Variants in DGLUCY observed in about 807,000 individuals in gnomAD.
The protein encoded by DGLUCY is D-glutamate cyclase.
A neutral mutation model predicts 58.5 loss-of-function variants in DGLUCY; 58 were observed. The observed-to-expected ratio is 0.99, with a 90% confidence interval of 0.80 to 1.23. The LOEUF (loss-of-function observed/expected upper bound fraction) is 1.23. Ranked by LOEUF, DGLUCY falls within the 50% of genes most tolerant of loss-of-function variation. The pLI, the probability that DGLUCY is intolerant of heterozygous loss-of-function variation, is 0.00. For synonymous variants in DGLUCY, 325 were observed against 314.1 expected, an observed-to-expected ratio of 1.03 and a Z score of -0.37; for missense variants, 779 against 784.7, an observed-to-expected ratio of 0.99 and a Z score of 0.09.
intron 1 of DGLUCY, among the ~76,000 whole-genome samples, chr14:91,097,915 G>T (rs1476991169): frequency 6.6e-6 from 1 of 152,100 alleles, no homozygotes; most frequent in African/African-American, 2.4e-5. Context: ...GTATCCAGTG[G>T]TGTTTTAGTA....
chr14:91,099,881 G>A (rs1353873470), intron 1 of DGLUCY, among the ~76,000 whole-genome samples: 1 of 151,846 alleles, frequency 6.6e-6, no homozygotes, highest in Non-Finnish European at 1.5e-5. Flanking sequence ...CCTTTAACTA[G>A]AAAATTAGAT....
At chr14:91,141,553 ATTT>A (rs71120118) in intron 1 of DGLUCY, among the ~76,000 whole-genome samples, 2 of 138,098 alleles carry the variant, frequency 1.4e-5, no homozygotes. Context: ...AGAGAGGTTA[ATTT>A]TTTTTTTTTT....
At chr14:91,188,791 T>C (rs1434272283) in intron 8 of DGLUCY, 119 bp from the exon 9 acceptor site, 1 of 1,182,226 alleles carries the variant, frequency 8.5e-7, no homozygotes, top group Non-Finnish European at 1.2e-6. Flanking sequence ...ATCACGCCAC[T>C]GCCTTCCAGC....
At chr14:91,106,989 T>C (rs1445276528), upstream of DGLUCY, among the ~76,000 whole-genome samples, 1 of 152,200 alleles carries the variant, frequency 6.6e-6, no homozygotes, top group Non-Finnish European at 1.5e-5. Flanking sequence ...TGCAATTGCT[T>C]ATTTGAGTGA....
chr14:91,080,543 G>T (rs891394084), intron 1 of DGLUCY, among the ~76,000 whole-genome samples: 1 of 151,970 alleles, frequency 6.6e-6, no homozygotes, highest in Non-Finnish European at 1.5e-5. Context: ...GCCAATTTTT[G>T]TATTTTTAGG....
At chr14:91,206,530 G>A (rs56255919) in intron 12 of DGLUCY, among the ~76,000 whole-genome samples, 28,634 of 151,946 alleles carry the variant, frequency 0.19, 2,985 homozygotes, top group Non-Finnish European at 0.23. Flanking sequence ...TTACAGGTGC[G>A]CACTACCATG....
At position 91,093,871 on chromosome 14, in the gene DGLUCY, G is replaced by A. The variant is rs114747645; in HGVS notation, c.-82+33167G>A. On this transcript the variant is annotated intron_variant, in intron 1 of 4. Coordinates refer to the DGLUCY transcript ENST00000521334. ...AGCCAGTCACAAAAGGTCACATCTTGTATGGTTCCATTTACATGAAATGTT... is the reference window on the plus strand; with the variant it reads ...AGCCAGTCACAAAAGGTCACATCTTATATGGTTCCATTTACATGAAATGTT... 2.7e-3 allele frequency among the ~76,000 whole-genome samples: 407 copies of A among 152,132 alleles called. 3 individuals are homozygous for A. Among genetic ancestry groups the A allele is most frequent in the African/African-American group, 9.3e-3 (388 of 41,510 alleles).
rs140959024 is a variant in DGLUCY, at chr14:91,099,933, A to G, written c.-82+39229A>G. 3.0e-3 allele frequency among the ~76,000 whole-genome samples: 464 copies of G among 152,220 alleles called. 2 individuals are homozygous for G. Among genetic ancestry groups the G allele is most frequent in the African/African-American group, 0.011 (447 of 41,524 alleles). ...GCCGGGCATGGTGGCACATGCCTGT[A>G]ATCCCAGCTACTCAGAAAGCTGAGG... is the stretch of plus-strand genomic sequence containing the variant. On this transcript the variant is annotated intron_variant, in intron 1 of 4. Coordinates refer to the DGLUCY transcript ENST00000521334.
rs367634701 is a variant in DGLUCY at position 91,182,783 on chromosome 14, A to G, written c.934+1394A>G. ...ACAACAGTTTGCAGTCAACTTGTAT[A>G]TTGTATAACGCATCTCAGGGGAAGG... On this transcript the variant is annotated intron_variant, in intron 8 of 13. Transcript: ENST00000256324. Among the ~76,000 whole-genome samples the G allele has an allele frequency of 1.1e-4, 17 of 152,264 alleles. No homozygotes were observed. The East Asian group carries it at 2.1e-3, about 19-fold the overall frequency.
intron 1 of DGLUCY, among the ~76,000 whole-genome samples, chr14:91,149,108 G>A (rs1460758058): frequency 2.6e-5 from 4 of 152,022 alleles, no homozygotes; most frequent in Middle Eastern, 3.2e-3. Flanking sequence ...TTAGCCAGGC[G>A]TGGTGGCGCA....
At position 91,134,015 on chromosome 14, in the gene DGLUCY, G is replaced by A. The variant is rs76743676; in HGVS notation, c.-82+19732G>A. Among the ~76,000 whole-genome samples the A allele has an allele frequency of 3.8e-3, 571 of 152,182 alleles. 2 individuals are homozygous for A. Among genetic ancestry groups the A allele is most frequent in the African/African-American group, 0.013 (534 of 41,512 alleles). On this transcript the variant is annotated intron_variant, in intron 1 of 13. Coordinates refer to ENST00000256324, the MANE Select transcript of DGLUCY (RefSeq NM_001102368.3). ...ATTTGTTTTTTGAGTTGAGTTGTGG[G>A]AGCCCTTTCACTCCATCTTAATTAC...
intron 2 of DGLUCY, among the ~76,000 whole-genome samples, chr14:91,159,441 C>T (rs2047855431): frequency 6.6e-6 from 1 of 152,144 alleles, no homozygotes; most frequent in African/African-American, 2.4e-5. Context: ...AGTGGCGAGA[C>T]TCTGCCTCAA....
intron 9 of DGLUCY, among the ~76,000 whole-genome samples, chr14:91,194,602 G>A (rs955079627): frequency 2.6e-5 from 4 of 151,102 alleles, no homozygotes; most frequent in East Asian, 2.0e-4. Flanking sequence ...GTGCAGTGGC[G>A]CGATCTTGGC....
chr14:91,068,363 A>G (rs1595603354), intron 1 of DGLUCY, among the ~76,000 whole-genome samples: 1 of 152,264 alleles, frequency 6.6e-6, no homozygotes, highest in East Asian at 1.9e-4. Flanking sequence ...TATATATCCA[A>G]TTAAAAGATA....
At chr14:91,205,685 G>GA (rs1400016342) in intron 12 of DGLUCY, among the ~76,000 whole-genome samples, 5 of 151,664 alleles carry the variant, frequency 3.3e-5, no homozygotes, top group African/African-American at 1.2e-4. Flanking sequence ...ATGGATATTA[G>GA]AAAAAAATCC....
chr14:91,190,411 G>A (rs1266656167), intron 9 of DGLUCY, among the ~76,000 whole-genome samples: 11 of 152,188 alleles, frequency 7.2e-5, no homozygotes, highest in African/African-American at 2.7e-4. Flanking sequence ...CAGTGTGTTC[G>A]AGTGATGATG....
intron 10 of DGLUCY, among the ~76,000 whole-genome samples, chr14:91,198,823 A>AT (rs1321514433): frequency 6.6e-6 from 1 of 152,084 alleles, no homozygotes; most frequent in Admixed American, 6.5e-5. Flanking sequence ...CAGTGTGGTC[A>AT]TGTCACCCTA....
At chr14:91,153,870 C>T (rs925509304) in intron 1 of DGLUCY, among the ~76,000 whole-genome samples, 7 of 152,160 alleles carry the variant, frequency 4.6e-5, no homozygotes, top group Non-Finnish European at 5.9e-5. Flanking sequence ...GGACATGCAC[C>T]CAAGGTGGTC....
intron 1 of DGLUCY, among the ~76,000 whole-genome samples, chr14:91,108,545 G>GAGAA (rs1218955545): frequency 2.3e-4 from 34 of 149,806 alleles, no homozygotes; most frequent in Non-Finnish European, 4.0e-4. Context: ...GAGAGAGAGA[G>GAGAA]AGAGAGAGAG....
Sources: allele counts gnomAD v4.1 joint callset (sites outside exome capture counted in the v4.1 genomes callset), GRCh38; gene constraint gnomAD v4.1.1; transcripts MANE v1.5; gene names NCBI Gene and HGNC (gene_info 2026-07-23, HGNC 2026-07-21).